Variants in SLC5A10 observed in about 807,000 individuals in gnomAD.
The protein encoded by SLC5A10 is solute carrier family 5 member 10.
Under a neutral mutation model 68.9 loss-of-function variants are expected in SLC5A10, and 55 were observed. The ratio of observed to expected loss-of-function variants is 0.80; its 90% CI spans 0.64 to 1.00. The LOEUF is 1.00. Among genes scored for constraint, SLC5A10 ranks in the 50% least tolerant of loss-of-function variants. The pLI is 0.00. For missense variants in SLC5A10, 732 were observed against 819.3 expected (o/e 0.89, Z 1.30); for synonymous variants, 344 against 344.8 (o/e 1.00, Z 0.02).
Position 19,017,229 on chromosome 17 carries a change from A to C in SLC5A10, c.1241+2030A>C. 1 of 1,476,122 alleles carries C rather than the reference A, an allele frequency of 6.8e-7. No homozygotes were observed. Among genetic ancestry groups the C allele is most frequent in the Non-Finnish European group, 9.3e-7 (1 of 1,079,410 alleles). 91.4% of individuals were successfully genotyped at this position (1,476,122 alleles called of 1,614,324 possible). A position where few individuals can be genotyped will look rare whatever the true frequency, so the allele number is the denominator to read the frequency against. ...CAGCTGCCAGCTGGATAGAGCAGAA[A>C]GGGCCCCGTGCCAGGTGTCAGGCTG... On this transcript the variant is annotated intron_variant, in intron 11 of 14. Transcript: ENST00000395645. The surrounding 1 kb of genome is among the most constrained non-coding windows in gnomAD (Gnocchi z 5.6).
Position 19,004,262 on chromosome 17 carries a change from T to A in SLC5A10, c.983-9148T>A. On this transcript the variant is annotated intron_variant, in intron 9 of 14. Transcript: ENST00000395645. The surrounding 1 kb of genome is among the most constrained non-coding windows in gnomAD (Gnocchi z 5.4). Reference sequence around the variant, plus strand: ...GCGGGGCCGGGAACTCAGGTGGGCGTGGGAAGGACGGGGCTGGGGCTGGGG... The same window carrying A: ...GCGGGGCCGGGAACTCAGGTGGGCGAGGGAAGGACGGGGCTGGGGCTGGGG... 4.4e-6 allele frequency: 2 copies of A among 458,956 alleles called. 1 individual carries two copies. The highest frequency in any genetic ancestry group is 5.5e-5 in the South Asian group (2 of 36,316). 28.4% of individuals were successfully genotyped at this position (458,956 alleles called of 1,614,324 possible).
chr17:18,982,853 C>T (rs1048751070), intron 9 of SLC5A10, among the ~76,000 whole-genome samples: 1 of 152,236 alleles, frequency 6.6e-6, no homozygotes, highest in Non-Finnish European at 1.5e-5. Context: ...ACCAAATGGA[C>T]GCCAACCAAG....
rs936334519 is a variant in SLC5A10 at position 18,968,967 on chromosome 17, G to T, written c.454-85G>T. On this transcript the variant is annotated intron_variant, in intron 5 of 14. Coordinates refer to ENST00000395645, the MANE Select transcript of SLC5A10 (RefSeq NM_001042450.4). This position sits in a 1 kb window ranked among gnomAD's most constrained non-coding sequence, Gnocchi z 4.1. ...TATCCACAGGCCACCGAGGCCCAGAGAGGGCCTTGCCCGAGGTCACCCAGG... is the reference window on the plus strand; with the variant it reads ...TATCCACAGGCCACCGAGGCCCAGATAGGGCCTTGCCCGAGGTCACCCAGG... 7 of 1,341,608 alleles carry T rather than the reference G, an allele frequency of 5.2e-6. 1 individual carries two copies. In the South Asian group the frequency reaches 8.3e-5, roughly 16 times the overall value. 83.1% of individuals were successfully genotyped at this position (1,341,608 alleles called of 1,614,324 possible).
chr17:19,004,919 G>A lies in SLC5A10; in HGVS notation c.983-8491G>A, dbSNP rs896861405. 6.6e-6 allele frequency: 1 copy of A among 152,214 alleles called. No individual in the cohort carries two copies. The highest frequency in any genetic ancestry group is 2.4e-5 in the African/African-American group (1 of 41,460). 9.4% of individuals were successfully genotyped at this position (152,214 alleles called of 1,614,324 possible). On this transcript the variant is annotated intron_variant, in intron 9 of 14. Transcript: ENST00000395645. This position sits in a 1 kb window ranked among gnomAD's most constrained non-coding sequence, Gnocchi z 5.4. ...GACGCACTGCCCACGGTCCCCTGGT[G>A]CCCGAATTCCGAAAATATCAGAGGC... is the stretch of plus-strand genomic sequence containing the variant.
At chr17:18,992,501 C>T (rs553213809) in intron 9 of SLC5A10, among the ~76,000 whole-genome samples, 150 of 152,240 alleles carry the variant, frequency 9.9e-4, no homozygotes, top group Non-Finnish European at 1.7e-3. Flanking sequence ...CCTGAAGCCA[C>T]GTAACACTGG....
chr17:18,970,468 T>C (rs2042814636), intron 7 of SLC5A10: 1 of 157,296 alleles, frequency 6.4e-6, no homozygotes, highest in Non-Finnish European at 1.4e-5. Flanking sequence ...GCCCGCCAGA[T>C]GGTCTATATG....
intron 8 of SLC5A10, among the ~76,000 whole-genome samples, chr17:18,973,066 G>A (rs1014521001): frequency 9.9e-5 from 15 of 152,190 alleles, no homozygotes; most frequent in East Asian, 3.9e-4. Context: ...CACAGCAGGC[G>A]TCTGCCCAGT....
At chr17:18,959,783 T>G (rs1234543394) in intron 4 of SLC5A10, 120 bp downstream of exon 4, 8 of 854,782 alleles carry the variant, frequency 9.4e-6, no homozygotes, top group Non-Finnish European at 1.6e-5. Flanking sequence ...GGGCTGGGTT[T>G]GCTATTAGCC....
intron 5 of SLC5A10, among the ~76,000 whole-genome samples, chr17:18,964,161 A>T (rs976172031): frequency 2.6e-5 from 4 of 152,078 alleles, no homozygotes; most frequent in Admixed American, 2.0e-4. Flanking sequence ...TGGACTCGGA[A>T]CGCCTGCTGG....
rs549615972 is a variant in SLC5A10, at chr17:18,971,871, C to G, written c.846+653C>G. On this transcript the variant is annotated intron_variant, in intron 8 of 14. Transcript: ENST00000395645. The surrounding 1 kb of genome is among the most constrained non-coding windows in gnomAD (Gnocchi z 5.5). ...GTTCGCCTCCTGGCTCTGCCATTCACCAGGGAGTGGGCCTAGACCAGTTGG... is the reference window on the plus strand; with the variant it reads ...GTTCGCCTCCTGGCTCTGCCATTCAGCAGGGAGTGGGCCTAGACCAGTTGG... 3.6e-5 allele frequency: 38 copies of G among 1,050,852 alleles called. No individual in the cohort carries two copies. In the East Asian group the frequency reaches 9.0e-4, roughly 25 times the overall value. The allele number at this position is 1,050,852 out of a possible 1,614,324, so 65.1% of individuals were successfully genotyped here. A position where few individuals can be genotyped will look rare whatever the true frequency, so the allele number is the denominator to read the frequency against.
At chr17:18,959,466 C>A in intron 3 of SLC5A10, 138 bp from the exon 4 acceptor site, 1 of 1,022,450 alleles carries the variant, frequency 9.8e-7, no homozygotes. Context: ...AAGGAGCCAC[C>A]CAGGATCTCA....
In SLC5A10 at chr17:19,020,348, C is replaced by G. The variant is rs1376523809; in HGVS notation, c.1708C>G (p.His570Asp). Residue 570 changes from histidine (H) to aspartate (D), a missense_variant, in exon 15 of 15, where the codon CAC becomes GAC. By Grantham distance (81) the His-to-Asp change is moderately conservative. Transcript: ENST00000395645. ...KAGDGQTPQK[H>D]AFWARVCGFN... ...AGGTGATGGCCAAACACCCCAGAAA[C>G]ACGCCTTCTGGGCCCGTGTCTGTGG... The G allele has an allele frequency of 2.5e-6, 4 of 1,614,064 alleles. No individual in the cohort carries two copies. In the African/African-American group the frequency reaches 5.3e-5, roughly 22 times the overall value.
chr17:18,952,293 C>G lies in SLC5A10; in HGVS notation c.88C>G (p.Leu30Val), dbSNP rs1456823485. ...DIIVITVYFA[L>V]NVAVGIWSSC... ...CATCGTCATCACTGTGTATTTTGCT[C>G]TGAATGTGGCCGTGGGCATATGGGT... Residue 30 changes from leucine (L) to valine (V), a missense_variant, in exon 1 of 15, where the codon CTG (leucine) becomes GTG (valine). Transcript: ENST00000395645. 3 of 1,613,438 alleles carry G rather than the reference C, an allele frequency of 1.9e-6. No homozygotes were observed. The highest frequency in any genetic ancestry group is 2.5e-6 in the Non-Finnish European group (3 of 1,179,776).
chr17:18,992,628 C>T (rs1020039667), intron 9 of SLC5A10, among the ~76,000 whole-genome samples: 2 of 152,184 alleles, frequency 1.3e-5, no homozygotes, highest in African/African-American at 2.4e-5. Context: ...GTGGAGCGGG[C>T]GGAGTCGGTC....
rs780432291 is a variant in SLC5A10 at position 18,971,168 on chromosome 17, A to G, written c.796A>G (p.Met266Val). 3.1e-6 allele frequency: 5 copies of G among 1,614,080 alleles called. No homozygotes were observed. The Admixed American group carries it at 8.3e-5, about 27-fold the overall frequency. ...CACAGGGGACCTGCCGTGGACCGGGATGACCTTTGGCCTGACCATCATGGC... is the reference window on the plus strand; with the variant it reads ...CACAGGGGACCTGCCGTGGACCGGGGTGACCTTTGGCCTGACCATCATGGC... ...PHTGDLPWTGMTFGLTIMATW... is the reference protein window; with the variant it reads ...PHTGDLPWTGVTFGLTIMATW... Residue 266 changes from methionine (M) to valine (V), a missense_variant, in exon 8 of 15, where the codon ATG becomes GTG. By Grantham distance (21) the Met-to-Val change is conservative. Coordinates refer to ENST00000395645, the MANE Select transcript of SLC5A10 (RefSeq NM_001042450.4). The surrounding 1 kb of genome is among the most constrained non-coding windows in gnomAD (Gnocchi z 5.5).
intron 5 of SLC5A10, among the ~76,000 whole-genome samples, chr17:18,962,188 G>A (rs2042625678): frequency 1.3e-5 from 2 of 152,180 alleles, no homozygotes; most frequent in African/African-American, 2.4e-5. Flanking sequence ...CCAGGGGCTC[G>A]CACTGTGGTG....
rs112417971 is a variant in SLC5A10, at chr17:18,997,573, T to C, written c.983-15837T>C. On this transcript the variant is annotated intron_variant, in intron 9 of 14. Coordinates refer to ENST00000395645, the MANE Select transcript of SLC5A10 (RefSeq NM_001042450.4). The stretch of plus-strand genomic sequence containing the variant: ...CTCCAGGGTCCAAGAGCGACAGACA[T>C]TGGGGCCATCAAGCATCCTAATGCC... Among the ~76,000 whole-genome samples the C allele has an allele frequency of 9.9e-3, 1,512 of 152,342 alleles. 24 individuals are homozygous for C. The highest frequency in any genetic ancestry group is 0.033 in the African/African-American group (1,383 of 41,580).
chr17:18,959,021 A>G (rs1196811878), intron 2 of SLC5A10, 114 bp from the exon 3 acceptor site: 5 of 1,015,482 alleles, frequency 4.9e-6, no homozygotes, highest in Non-Finnish European at 5.7e-6. Context: ...CTCATCCGTG[A>G]GGTGGGGCTA....
In SLC5A10 at chr17:18,971,371, G is replaced by A. The variant is rs1343098677; in HGVS notation, c.846+153G>A. On this transcript the variant is annotated intron_variant, in intron 8 of 14. Transcript: ENST00000395645. This position sits in a 1 kb window ranked among gnomAD's most constrained non-coding sequence, Gnocchi z 5.5. ...CTGGGACATGCTGCTAGGGGTCTTTGCGGTCCCGGGGGGCTTGAGCCCTCC... is the reference window on the plus strand; with the variant it reads ...CTGGGACATGCTGCTAGGGGTCTTTACGGTCCCGGGGGGCTTGAGCCCTCC... 1 of 1,554,530 alleles carries A rather than the reference G, an allele frequency of 6.4e-7. No homozygotes were observed. The highest frequency in any genetic ancestry group is 8.6e-7 in the Non-Finnish European group (1 of 1,156,950).
Sources: gnomAD v4.1 joint callset for allele counts (sites outside exome capture counted in the v4.1 genomes callset) on GRCh38, gnomAD v4.1.1 for gene constraint, Gnocchi (gnomAD v3.1) non-coding constraint, MANE v1.5 for transcripts, NCBI Gene and HGNC (gene_info 2026-07-23, HGNC 2026-07-21) for gene names.